Variants in CCBE1 observed in about 807,000 individuals in gnomAD.
CCBE1 encodes collagen and calcium-binding EGF domain-containing protein 1.
In CCBE1, 37 loss-of-function variants were observed where a neutral mutation model predicts 50.0. The observed-to-expected ratio is 0.74, with a 90% CI of 0.57 to 0.97. The LOEUF is 0.97. Among genes scored for constraint, CCBE1 ranks in the 50% least tolerant of loss-of-function variants. The pLI, the probability that CCBE1 is intolerant of heterozygous loss-of-function variation, is 0.00. For synonymous variants in CCBE1, 234 were observed against 203.7 expected (o/e 1.15, Z -1.27); for missense variants, 538 against 523.8 (o/e 1.03, Z -0.26).
At chr18:59,478,400 G>A (rs531516815) in intron 3 of CCBE1, among the ~76,000 whole-genome samples, 2 of 152,118 alleles carry the variant, frequency 1.3e-5, no homozygotes, top group African/African-American at 4.8e-5. Context: ...TATGACTAAA[G>A]ATATCTTTAG....
intron 2 of CCBE1, among the ~76,000 whole-genome samples, chr18:59,672,083 G>C (rs1456752579): frequency 1.3e-5 from 2 of 152,098 alleles, no homozygotes; most frequent in Non-Finnish European, 1.5e-5. Flanking sequence ...GTAGAACTTG[G>C]GGCCACAGGC....
intron 2 of CCBE1, among the ~76,000 whole-genome samples, chr18:59,509,406 T>C (rs1209362927): frequency 6.6e-6 from 1 of 152,202 alleles, no homozygotes; most frequent in Non-Finnish European, 1.5e-5. Flanking sequence ...ATACTATCTA[T>C]AAACTGCTAT....
At chr18:59,622,134 C>T (rs2053718644) in intron 2 of CCBE1, among the ~76,000 whole-genome samples, 3 of 152,184 alleles carry the variant, frequency 2.0e-5, no homozygotes, top group Admixed American at 2.0e-4. Flanking sequence ...CTTCCATGGC[C>T]ACCTCCAAGG....
intron 2 of CCBE1, among the ~76,000 whole-genome samples, chr18:59,611,425 C>T (rs2053566950): frequency 6.6e-6 from 1 of 152,188 alleles, no homozygotes; most frequent in Admixed American, 6.5e-5. Context: ...GAAGCCCACA[C>T]ATGAGTGAAG....
At chr18:59,665,998 C>T (rs958621620) in intron 2 of CCBE1, 4 of 152,306 alleles carry the variant, frequency 2.6e-5, no homozygotes, top group African/African-American at 9.7e-5. Flanking sequence ...GATTCTATAT[C>T]AGTCCGTTTT....
At chr18:59,548,070 T>C (rs1172541493) in intron 2 of CCBE1, among the ~76,000 whole-genome samples, 2 of 152,226 alleles carry the variant, frequency 1.3e-5, no homozygotes, top group Non-Finnish European at 2.9e-5. Context: ...TCACGTGATG[T>C]GAACTATCTG....
At chr18:59,622,369 G>A (rs565267181) in intron 2 of CCBE1, among the ~76,000 whole-genome samples, 5 of 152,210 alleles carry the variant, frequency 3.3e-5, no homozygotes, top group Non-Finnish European at 7.4e-5. Context: ...GGTGGCGGGT[G>A]CCTGTAATCT....
chr18:59,663,586 G>A (rs2054314813), intron 2 of CCBE1, among the ~76,000 whole-genome samples: 1 of 152,020 alleles, frequency 6.6e-6, no homozygotes. Flanking sequence ...CAAGCCAGGA[G>A]GATGTCTCTG....
At position 59,466,863 on chromosome 18, in the gene CCBE1, C is replaced by T. The variant is rs778137139; in HGVS notation, c.429G>A (p.Gly143=). 1.2e-6 allele frequency: 2 copies of T among 1,613,378 alleles called. No homozygotes were observed. Among genetic ancestry groups the T allele is most frequent in the Non-Finnish European group, 8.5e-7 (1 of 1,179,732 alleles). ...TGATGCAGATGTGGGCACACAGCGT[C>T]CCATTGCTGCTGGCACACTCATCAA... The part of the protein sequence containing the change: ...LDIDECASSN[G]TLCAHICINT... The change falls in exon 5 of 11, where the codon GGG becomes GGA. Residue 143 remains glycine (G), a synonymous_variant. Coordinates refer to ENST00000439986, the MANE Select transcript of CCBE1 (RefSeq NM_133459.4).
chr18:59,619,340 T>C (rs1016190838), intron 2 of CCBE1, among the ~76,000 whole-genome samples: 1 of 152,202 alleles, frequency 6.6e-6, no homozygotes, highest in East Asian at 1.9e-4. Flanking sequence ...GGAGTCTTGC[T>C]AATATTGCCC....
chr18:59,497,328 G>A (rs1355917935), intron 2 of CCBE1, among the ~76,000 whole-genome samples: 1 of 152,210 alleles, frequency 6.6e-6, no homozygotes, highest in African/African-American at 2.4e-5. Context: ...TATAAGGTAA[G>A]AAGAACTCAT....
intron 2 of CCBE1, among the ~76,000 whole-genome samples, chr18:59,554,440 A>G (rs1387245652): frequency 6.6e-6 from 1 of 152,210 alleles, no homozygotes; most frequent in East Asian, 1.9e-4. Context: ...ACATGATGGT[A>G]TGACTTAAAA....
intron 2 of CCBE1, among the ~76,000 whole-genome samples, chr18:59,683,125 G>A (rs1239863071): frequency 1.3e-5 from 2 of 152,190 alleles, no homozygotes; most frequent in African/African-American, 4.8e-5. Flanking sequence ...CATGAAGGCA[G>A]TTTCTTTTGG....
At chr18:59,478,672 T>C (rs1465658037) in intron 3 of CCBE1, among the ~76,000 whole-genome samples, 3 of 152,218 alleles carry the variant, frequency 2.0e-5, no homozygotes, top group Non-Finnish European at 2.9e-5. Context: ...GTGGTATCCA[T>C]GCAATGTGTT....
chr18:59,671,345 G>C (rs2054427295), intron 2 of CCBE1, among the ~76,000 whole-genome samples: 1 of 151,654 alleles, frequency 6.6e-6, no homozygotes, highest in African/African-American at 2.4e-5. Context: ...CTACAAAAAA[G>C]ACAAAAATTA....
chr18:59,475,910 G>C (rs1238712314), intron 3 of CCBE1, among the ~76,000 whole-genome samples: 2 of 152,214 alleles, frequency 1.3e-5, no homozygotes, highest in Non-Finnish European at 2.9e-5. Flanking sequence ...GTAGAGTCAG[G>C]GTTTCACTAT....
intron 2 of CCBE1, among the ~76,000 whole-genome samples, chr18:59,481,915 T>C (rs1391208526): frequency 6.6e-6 from 1 of 152,152 alleles, no homozygotes; most frequent in African/African-American, 2.4e-5. Context: ...AATTTTTAAG[T>C]TCTGGATACA....
At chr18:59,482,082 G>C (rs1412601598) in intron 2 of CCBE1, among the ~76,000 whole-genome samples, 1 of 152,140 alleles carries the variant, frequency 6.6e-6, no homozygotes, top group Non-Finnish European at 1.5e-5. Context: ...AGTGTATGAT[G>C]TTCCTGTCCC....
At chr18:59,442,525 T>G (rs780255171) in intron 7 of CCBE1, among the ~76,000 whole-genome samples, 14 of 152,032 alleles carry the variant, frequency 9.2e-5, no homozygotes, top group Non-Finnish European at 2.1e-4. Flanking sequence ...GTCAGGAGTT[T>G]GAGACCAGCG....
Sources: allele counts gnomAD v4.1 joint callset (sites outside exome capture counted in the v4.1 genomes callset), GRCh38; gene constraint gnomAD v4.1.1; transcripts MANE v1.5; gene names NCBI Gene and HGNC (gene_info 2026-07-23, HGNC 2026-07-21).